Variants in DCUN1D2 observed in about 807,000 individuals in gnomAD.
DCUN1D2 encodes defective in cullin neddylation 1 domain containing 2, also known as DCN1-like protein 2.
Under a neutral mutation model 30.9 loss-of-function variants are expected in DCUN1D2, and 29 were observed. The observed-to-expected ratio is 0.94, with a 90% CI of 0.70 to 1.28. The LOEUF (loss-of-function observed/expected upper bound fraction) is 1.28, where lower values mean the gene tolerates loss of function less well. DCUN1D2 is among the 50% of genes most tolerant of loss of function. DCUN1D2 has a pLI of 0.00. For missense variants in DCUN1D2, 325 were observed against 316.9 expected (o/e 1.03, Z -0.19); for synonymous variants, 121 against 115.3 (o/e 1.05, Z -0.32).
At chr13:113,480,279 A>G (rs2044685249) in intron 3 of DCUN1D2, among the ~76,000 whole-genome samples, 1 of 152,216 alleles carries the variant, frequency 6.6e-6, no homozygotes, top group African/African-American at 2.4e-5. Flanking sequence ...AATGAACTGA[A>G]CCTGGCATTT....
upstream of DCUN1D2, chr13:113,490,762 G>A: frequency 5.4e-6 from 6 of 1,119,944 alleles, no homozygotes; most frequent in Non-Finnish European, 5.5e-6. This position sits in a 1 kb window ranked among gnomAD's most constrained non-coding sequence, Gnocchi z 5.2. Context: ...GCGGCCCTCG[G>A]CTCCGGGGCA....
At chr13:113,484,606 T>A (rs151096306) in intron 1 of DCUN1D2, among the ~76,000 whole-genome samples, 7 of 152,302 alleles carry the variant, frequency 4.6e-5, no homozygotes, top group African/African-American at 1.7e-4. Flanking sequence ...AAAAACCTGT[T>A]ATGATTAAAT....
chr13:113,474,363 C>T lies in DCUN1D2; in HGVS notation c.390-109G>A, dbSNP rs558939749. The stretch of plus-strand genomic sequence containing the variant: ...CAGGCACGCAGCTCCAGCTGGAGAC[C>T]GTATTTCCCAACTTCCTTTCCCAGG... On this transcript the variant is annotated intron_variant, in intron 3 of 6. Transcript: ENST00000478244. The T allele has an allele frequency of 1.1e-3, 1,596 of 1,443,588 alleles. 1 individual carries two copies. Among genetic ancestry groups the T allele is most frequent in the Non-Finnish European group, 1.4e-3 (1,471 of 1,070,906 alleles). 89.4% of individuals were successfully genotyped at this position (1,443,588 alleles called of 1,614,324 possible).
At position 113,484,040 on chromosome 13, in the gene DCUN1D2, G is replaced by A. The variant is rs1284663329; in HGVS notation, c.20C>T (p.Ser7Phe). Residue 7 changes from serine to phenylalanine, a missense_variant, in exon 2 of 7, where the codon TCT becomes TTT. Ser to Phe is a radical substitution (Grantham distance 155). Transcript: ENST00000478244. ...AAACTGGCGGACCTTGTCCTTCTGAGACGATTTAAGCTTATGCTTTGGGAT... is the reference window on the plus strand; with the variant it reads ...AAACTGGCGGACCTTGTCCTTCTGAAACGATTTAAGCTTATGCTTTGGGAT... MHKLKSSQKDKVRQFMA... is the reference protein window; with the variant it reads MHKLKSFQKDKVRQFMA... The A allele has an allele frequency of 6.2e-7, 1 of 1,613,890 alleles. No individual in the cohort carries two copies. Among genetic ancestry groups the A allele is most frequent in the South Asian group, 1.1e-5 (1 of 91,090 alleles).
At chr13:113,490,766 CG>C, upstream of DCUN1D2, 1 of 1,104,024 alleles carries the variant, frequency 9.1e-7, no homozygotes, top group Non-Finnish European at 1.1e-6. This position sits in a 1 kb window ranked among gnomAD's most constrained non-coding sequence, Gnocchi z 5.2. Context: ...CCCTCGGCTC[CG>C]GGGCAGTGCC....
At chr13:113,472,121 C>T (rs139591630) in intron 4 of DCUN1D2, among the ~76,000 whole-genome samples, 5 of 152,058 alleles carry the variant, frequency 3.3e-5, no homozygotes, top group African/African-American at 1.2e-4. Context: ...TGGTGTGTGC[C>T]GTGTGGGATT....
chr13:113,470,731 AGGGACCCAACTCCACAG>A (rs1215248009), intron 4 of DCUN1D2, among the ~76,000 whole-genome samples: 19 of 108,870 alleles, frequency 1.7e-4, no homozygotes, highest in Non-Finnish European at 2.8e-4. Context: ...CAACTCCACA[AGGGACCCAACTCCACAG>A]GGGACCCAAC....
intron 2 of DCUN1D2, 103 bp downstream of exon 2, chr13:113,483,737 G>T: frequency 8.7e-7 from 1 of 1,153,564 alleles, no homozygotes; most frequent in Admixed American, 2.1e-5. Flanking sequence ...GAGAAGCAAC[G>T]GCAGCCCGGA....
intron 2 of DCUN1D2, 108 bp downstream of exon 2, chr13:113,483,732 G>T: frequency 9.2e-7 from 1 of 1,091,382 alleles, no homozygotes; most frequent in Non-Finnish European, 1.3e-6. Context: ...GGGAGGAGAA[G>T]CAACGGCAGC....
chr13:113,472,941 G>A (rs577571346), intron 4 of DCUN1D2, among the ~76,000 whole-genome samples: 1 of 151,618 alleles, frequency 6.6e-6, no homozygotes, highest in East Asian at 1.9e-4. Flanking sequence ...TCTCTCTCCC[G>A]TGTCCCCCTG....
intron 4 of DCUN1D2, among the ~76,000 whole-genome samples, chr13:113,472,416 A>C (rs2258794): frequency 0.21 from 31,295 of 152,034 alleles, 4,695 homozygotes; most frequent in African/African-American, 0.42. Flanking sequence ...GAAAAAGCGA[A>C]TACAGGTCTG....
intron 2 of DCUN1D2, among the ~76,000 whole-genome samples, chr13:113,482,966 C>G (rs1464107051): frequency 6.6e-6 from 1 of 152,056 alleles, no homozygotes; most frequent in Non-Finnish European, 1.5e-5. Context: ...ACACAGACAA[C>G]AATAAACAAA....
intron 6 of DCUN1D2, among the ~76,000 whole-genome samples, chr13:113,458,853 C>T (rs1010216375): frequency 2.6e-5 from 4 of 152,194 alleles, no homozygotes; most frequent in East Asian, 1.9e-4. Context: ...AAGGTGGCAG[C>T]GTGCCCAGCA....
At chr13:113,459,859 C>T (rs769486573) in intron 5 of DCUN1D2, among the ~76,000 whole-genome samples, 3 of 152,288 alleles carry the variant, frequency 2.0e-5, no homozygotes, top group African/African-American at 4.8e-5. Flanking sequence ...TGTGAATGTG[C>T]GTTCCTTTGC....
chr13:113,486,516 A>C (rs572427397), intron 1 of DCUN1D2, among the ~76,000 whole-genome samples: 2 of 152,282 alleles, frequency 1.3e-5, no homozygotes, highest in African/African-American at 4.8e-5. Context: ...AAACAAACCC[A>C]AAAACCACAT....
intron 3 of DCUN1D2, among the ~76,000 whole-genome samples, chr13:113,477,527 T>C (rs1236016359): frequency 6.6e-6 from 1 of 152,172 alleles, no homozygotes; most frequent in Non-Finnish European, 1.5e-5. Context: ...ATTTTACCCA[T>C]AGGGTGGACT....
intron 3 of DCUN1D2, among the ~76,000 whole-genome samples, chr13:113,477,784 T>C (rs1454375412): frequency 1.3e-5 from 2 of 152,098 alleles, no homozygotes; most frequent in East Asian, 3.8e-4. Context: ...TTTTTTCCTG[T>C]TGTTAACCAT....
At position 113,490,577 on chromosome 13, in the gene DCUN1D2, C is replaced by A. The variant is rs890444194; in HGVS notation, c.3+90G>T. ...GCCCCGCGCAGCTCGCTGGGCTCGG[C>A]CTCCCACATCCAGCGCGCCGCCTGC... On this transcript the variant is annotated intron_variant, in intron 1 of 6. Transcript: ENST00000478244. This position sits in a 1 kb window ranked among gnomAD's most constrained non-coding sequence, Gnocchi z 5.2. 8.7e-7 allele frequency: 1 copy of A among 1,144,658 alleles called. No homozygotes were observed. Among genetic ancestry groups the A allele is most frequent in the South Asian group, 3.5e-5 (1 of 28,286 alleles). 70.9% of individuals were successfully genotyped at this position (1,144,658 alleles called of 1,614,324 possible).
chr13:113,484,005 T>G lies in DCUN1D2; in HGVS notation c.55A>C (p.Thr19Pro), dbSNP rs767852704. ...KDKVRQFMAC[T>P]QAGERTAIYC... ...ATAGCAGTTCTCTCGCCAGCCTGAG[T>G]GCACGCCATAAACTGGCGGACCTTG... is the stretch of plus-strand genomic sequence containing the variant. The change falls in exon 2 of 7, where the codon ACT (threonine) becomes CCT (proline). Residue 19 changes from threonine to proline, a missense_variant. Coordinates refer to ENST00000478244, the MANE Select transcript of DCUN1D2 (RefSeq NM_001014283.2). 1.9e-6 allele frequency: 3 copies of G among 1,614,092 alleles called. No homozygotes were observed. The highest frequency in any genetic ancestry group is 2.2e-5 in the South Asian group (2 of 91,090).
Sources: gnomAD v4.1 joint callset for allele counts (sites outside exome capture counted in the v4.1 genomes callset) on GRCh38, gnomAD v4.1.1 for gene constraint, Gnocchi (gnomAD v3.1) non-coding constraint, MANE v1.5 for transcripts, NCBI Gene and HGNC (gene_info 2026-07-23, HGNC 2026-07-21) for gene names.